AMPH: variants seen among roughly 807,000 people sequenced by gnomAD.
AMPH encodes the protein amphiphysin.
In AMPH, 49 loss-of-function variants were observed where a neutral mutation model predicts 99.1. The ratio of observed to expected loss-of-function variants is 0.49; its 90% CI spans 0.39 to 0.63. The LOEUF (loss-of-function observed/expected upper bound fraction) is 0.63. Among genes scored for constraint, AMPH ranks in the 20% least tolerant of loss-of-function variants. The pLI, the probability that AMPH is intolerant of heterozygous loss-of-function variation, is 0.00. For synonymous variants in AMPH, 314 were observed against 317.3 expected, an observed-to-expected ratio of 0.99 and a Z score of 0.11; for missense variants, 759 against 863.4, an observed-to-expected ratio of 0.88 and a Z score of 1.52.
intron 2 of AMPH, among the ~76,000 whole-genome samples, chr7:38,520,833 A>G (rs983060328): frequency 1.3e-5 from 2 of 152,234 alleles, no homozygotes. Flanking sequence ...CCAGCAATTC[A>G]GTCCCAAAAT....
At chr7:38,476,283 T>C (rs1014670574) in intron 6 of AMPH, among the ~76,000 whole-genome samples, 1 of 152,176 alleles carries the variant, frequency 6.6e-6, no homozygotes, top group African/African-American at 2.4e-5. Context: ...ATTAAAAGAC[T>C]TAAGCAGTTG....
intron 17 of AMPH, among the ~76,000 whole-genome samples, chr7:38,412,097 A>C (rs1428806680): frequency 6.6e-6 from 1 of 152,174 alleles, no homozygotes; most frequent in Non-Finnish European, 1.5e-5. Context: ...GATGGGAGTC[A>C]CTGCTTAATG....
chr7:38,583,840 C>T (rs1197075988), intron 1 of AMPH, among the ~76,000 whole-genome samples: 1 of 152,220 alleles, frequency 6.6e-6, no homozygotes, highest in Non-Finnish European at 1.5e-5. Context: ...CCACCAAGTC[C>T]TATAATCTTC....
intron 1 of AMPH, among the ~76,000 whole-genome samples, chr7:38,603,314 C>CAAA (rs59085219): frequency 0.11 from 9,970 of 94,660 alleles, 427 homozygotes; most frequent in South Asian, 0.14. Context: ...GACTCTGTCT[C>CAAA]AAAAAAAAAA....
chr7:38,471,406 G>T (rs1158167039), intron 7 of AMPH, among the ~76,000 whole-genome samples: 1 of 152,004 alleles, frequency 6.6e-6, no homozygotes, highest in Non-Finnish European at 1.5e-5. Context: ...TTTACAACCT[G>T]CAATCATATT....
chr7:38,594,355 T>G (rs1217952642), intron 1 of AMPH, among the ~76,000 whole-genome samples: 1 of 152,208 alleles, frequency 6.6e-6, no homozygotes, highest in African/African-American at 2.4e-5. Flanking sequence ...GAAGACACTT[T>G]CCTAAAACAC....
At chr7:38,508,309 T>C (rs1434926753) in intron 2 of AMPH, among the ~76,000 whole-genome samples, 4 of 152,174 alleles carry the variant, frequency 2.6e-5, no homozygotes, top group Non-Finnish European at 5.9e-5. Context: ...ATTTTATTAT[T>C]AAGGTTAAGC....
At chr7:38,428,270 T>C (rs974869844) in intron 14 of AMPH, 1 of 456,660 alleles carries the variant, frequency 2.2e-6, no homozygotes, top group African/African-American at 2.0e-5. Context: ...GACCTGGATC[T>C]GTTCCCCAAG....
At chr7:38,613,621 C>T (rs1793761204) in intron 1 of AMPH, among the ~76,000 whole-genome samples, 1 of 152,220 alleles carries the variant, frequency 6.6e-6, no homozygotes, top group Non-Finnish European at 1.5e-5. Flanking sequence ...ATGCTCTCCA[C>T]TTCCACAGTA....
intron 10 of AMPH, 58 bp from the exon 11 acceptor site, chr7:38,461,469 G>A: frequency 6.2e-7 from 1 of 1,606,978 alleles, no homozygotes; most frequent in Non-Finnish European, 8.5e-7. Context: ...CAGACACGAA[G>A]AAAGGTCACA....
At chr7:38,525,246 G>C (rs183624380) in intron 2 of AMPH, among the ~76,000 whole-genome samples, 321 of 79,580 alleles carry the variant, frequency 4.0e-3, no homozygotes, top group Non-Finnish European at 6.0e-3. Flanking sequence ...ATATGTAGTT[G>C]TGTGTGTGTG....
chr7:38,523,729 T>G (rs1268163749), intron 2 of AMPH, among the ~76,000 whole-genome samples: 2 of 152,144 alleles, frequency 1.3e-5, no homozygotes, highest in Non-Finnish European at 2.9e-5. Context: ...ATTTTACCAC[T>G]GAGTAGAATG....
At chr7:38,618,388 T>TACTACTCG (rs1562865227) in intron 1 of AMPH, among the ~76,000 whole-genome samples, 1 of 150,978 alleles carries the variant, frequency 6.6e-6, no homozygotes, top group Admixed American at 6.6e-5. Context: ...GGCATGCACC[T>TACTACTCG]GTAGTCCCAG....
intron 2 of AMPH, among the ~76,000 whole-genome samples, chr7:38,531,675 A>G (rs1403216631): frequency 6.6e-6 from 1 of 152,234 alleles, no homozygotes; most frequent in Admixed American, 6.5e-5. Context: ...AAATGTTTGA[A>G]TAATTCTAGA....
Position 38,584,132 on chromosome 7 carries a change from AT to A in AMPH, c.69+47150del, listed in dbSNP as rs1792563042. 3.9e-5 allele frequency among the ~76,000 whole-genome samples: 6 copies of A among 152,268 alleles called. 1 individual carries two copies. The South Asian group carries it at 1.2e-3, about 32-fold the overall frequency. ...GTTTTTATATATTTGACTTGTTTCA[AT>A]TCATTTTAGTCATTGTCCTTTCATG... On this transcript the variant is annotated intron_variant, in intron 1 of 20. Coordinates refer to ENST00000356264, the MANE Select transcript of AMPH (RefSeq NM_001635.4).
intron 1 of AMPH, among the ~76,000 whole-genome samples, chr7:38,614,893 A>G (rs752613645): frequency 2.6e-5 from 4 of 152,202 alleles, no homozygotes; most frequent in Non-Finnish European, 4.4e-5. Flanking sequence ...AGTCCAGTAT[A>G]TTAAAGAAAA....
At chr7:38,499,441 C>A (rs1350786101) in intron 3 of AMPH, among the ~76,000 whole-genome samples, 6 of 152,184 alleles carry the variant, frequency 3.9e-5, no homozygotes, top group African/African-American at 1.4e-4. Flanking sequence ...TTTAACCCAA[C>A]TTCACAGAAT....
At chr7:38,588,544 A>G (rs957702141) in intron 1 of AMPH, among the ~76,000 whole-genome samples, 1 of 152,172 alleles carries the variant, frequency 6.6e-6, no homozygotes, top group African/African-American at 2.4e-5. Flanking sequence ...TGTGCCAGAC[A>G]TGTTAATGGC....
At position 38,461,358 on chromosome 7, in the gene AMPH, T is replaced by C. The variant is rs370293244; in HGVS notation, c.942A>G (p.Glu314=). ...AACTGATGATGTTCTCCTGCTGCAG[T>C]TCCTTTGTCGGGGTGACTTTAGGTA... ...PPLPKVTPTK[E]LQQENIISFF... Residue 314 remains glutamate (E), a synonymous_variant, in exon 11 of 21, where the codon GAA becomes GAG. Coordinates refer to ENST00000356264, the MANE Select transcript of AMPH (RefSeq NM_001635.4). The C allele has an allele frequency of 1.9e-6, 3 of 1,613,582 alleles. No homozygotes were observed. The highest frequency in any genetic ancestry group is 2.7e-5 in the African/African-American group (2 of 74,936).
Sources: allele counts gnomAD v4.1 joint callset (sites outside exome capture counted in the v4.1 genomes callset), GRCh38; gene constraint gnomAD v4.1.1; transcripts MANE v1.5; gene names NCBI Gene and HGNC (gene_info 2026-07-23, HGNC 2026-07-21).